The following GALNT17 variants were observed in gnomAD, a reference collection of about 807,000 sequenced individuals.
The protein encoded by GALNT17 is polypeptide N-acetylgalactosaminyltransferase 17, also known as UDP-GalNAc:polypeptide N-acetylgalactosaminyltransferase-like 3.
In GALNT17, 29 loss-of-function variants were observed where a neutral mutation model predicts 63.7. The ratio of observed to expected loss-of-function variants is 0.46; its 90% confidence interval spans 0.34 to 0.62. The LOEUF (loss-of-function observed/expected upper bound fraction) is 0.62. Ranked by LOEUF, GALNT17 falls within the 20% of genes least tolerant of loss-of-function variation. GALNT17 has a pLI of 0.01. For missense variants in GALNT17, 603 were observed against 799.6 expected, an observed-to-expected ratio of 0.75 and a Z score of 2.97; for synonymous variants, 305 against 318.3, an observed-to-expected ratio of 0.96 and a Z score of 0.45.
chr7:71,675,212 T>C (rs1039802503), intron 8 of GALNT17, among the ~76,000 whole-genome samples: 8 of 151,926 alleles, frequency 5.3e-5, no homozygotes. Flanking sequence ...GAAGCTCTCC[T>C]TGTTGGCCCT....
intron 6 of GALNT17, among the ~76,000 whole-genome samples, chr7:71,655,101 A>G (rs780402690): frequency 6.6e-6 from 1 of 152,048 alleles, no homozygotes; most frequent in Non-Finnish European, 1.5e-5. Context: ...CCTACAAAAT[A>G]TTCAAAAATT....
intron 6 of GALNT17, among the ~76,000 whole-genome samples, chr7:71,634,776 GA>G (rs1015327202): frequency 6.7e-5 from 10 of 149,532 alleles, no homozygotes; most frequent in African/African-American, 2.2e-4. Flanking sequence ...AAAGAAAAAA[GA>G]AAAAGAAAAA....
chr7:71,274,083 C>T (rs963983792), intron 1 of GALNT17, among the ~76,000 whole-genome samples: 2 of 152,138 alleles, frequency 1.3e-5, no homozygotes, highest in Admixed American at 6.5e-5. Context: ...GGCATATGTT[C>T]GGTGGTGGTG....
At chr7:71,611,413 C>G (rs940084308) in intron 6 of GALNT17, among the ~76,000 whole-genome samples, 1 of 152,190 alleles carries the variant, frequency 6.6e-6, no homozygotes, top group African/African-American at 2.4e-5. Flanking sequence ...GGGACTCTTC[C>G]TCTGCTTATA....
rs542598606 is a variant in GALNT17, at chr7:71,595,602, C to T, written c.1080+24200C>T. On this transcript the variant is annotated intron_variant, in intron 6 of 10. Transcript: ENST00000333538. ...CTTCCCAGCATGATGGCTTTGAAGACGCCATCCTTCATATGTGTTGGCTCA... is the reference window on the plus strand; with the variant it reads ...CTTCCCAGCATGATGGCTTTGAAGATGCCATCCTTCATATGTGTTGGCTCA... 1.3e-3 allele frequency among the ~76,000 whole-genome samples: 199 copies of T among 151,732 alleles called. 2 individuals carry two copies. Among genetic ancestry groups the T allele is most frequent in the African/African-American group, 4.6e-3 (191 of 41,368 alleles).
chr7:71,482,079 A>ATGTGTGTGTGTG lies in GALNT17; in HGVS notation c.962+60975_962+60976insGTGTGTGTGTGT, dbSNP rs371371505. ...TTGATGTATAGGTATACATATATGT[A>ATGTGTGTGTGTG]TATGTGTGTGTGTGTGTGTGTGTGT... On this transcript the variant is annotated intron_variant, in intron 5 of 10. Transcript: ENST00000333538. Among the ~76,000 whole-genome samples, 734 of 136,854 alleles carry ATGTGTGTGTGTG rather than the reference A, an allele frequency of 5.4e-3. 4 individuals are homozygous for ATGTGTGTGTGTG. The highest frequency in any genetic ancestry group is 0.019 in the East Asian group (64 of 3,430). The allele number at this position is 136,854 out of a possible 152,430, so 89.8% of individuals were successfully genotyped here.
intron 9 of GALNT17, among the ~76,000 whole-genome samples, chr7:71,706,602 C>G (rs597689): frequency 0.98 from 149,974 of 152,280 alleles, 73,883 homozygotes; most frequent in East Asian, 1. Flanking sequence ...TGTTTAGGGA[C>G]GGGGAGGGAG....
chr7:71,251,361 A>T lies in GALNT17; in HGVS notation c.239-84189A>T, dbSNP rs183526022. The stretch of plus-strand genomic sequence containing the variant: ...TCATTCAAAAGCATGATATATTCTT[A>T]AGGTAAGAATTAGTGTTACTGGCAG... On this transcript the variant is annotated intron_variant, in intron 1 of 10. Coordinates refer to ENST00000333538, the MANE Select transcript of GALNT17 (RefSeq NM_022479.3). 3.7e-4 allele frequency among the ~76,000 whole-genome samples: 56 copies of T among 152,312 alleles called. No homozygotes were observed. The East Asian group carries it at 0.01, about 27-fold the overall frequency.
At chr7:71,161,861 T>C (rs1487613671) in intron 1 of GALNT17, among the ~76,000 whole-genome samples, 3 of 152,262 alleles carry the variant, frequency 2.0e-5, no homozygotes, top group East Asian at 3.9e-4. Context: ...TTCAACGTTG[T>C]ATCTGTACCG....
chr7:71,531,693 G>A (rs758281056), intron 5 of GALNT17, among the ~76,000 whole-genome samples: 44 of 152,068 alleles, frequency 2.9e-4, no homozygotes, highest in Admixed American at 6.6e-4. Flanking sequence ...AGGCTCAAGC[G>A]ATCTTCCCAC....
intron 3 of GALNT17, among the ~76,000 whole-genome samples, chr7:71,406,512 T>A (rs1195627461): frequency 6.6e-6 from 1 of 152,140 alleles, no homozygotes; most frequent in African/African-American, 2.4e-5. Flanking sequence ...CTATCTCCAT[T>A]GGACAGATAA....
At chr7:71,198,548 A>C (rs984621125) in intron 1 of GALNT17, among the ~76,000 whole-genome samples, 4 of 152,238 alleles carry the variant, frequency 2.6e-5, no homozygotes, top group African/African-American at 9.6e-5. Flanking sequence ...AACCTGGACT[A>C]CCAGTAAGTG....
intron 1 of GALNT17, among the ~76,000 whole-genome samples, chr7:71,304,335 A>G (rs766859209): frequency 6.6e-6 from 1 of 152,230 alleles, no homozygotes; most frequent in South Asian, 2.1e-4. Flanking sequence ...TGGATTAAGT[A>G]TTCATCAGTG....
chr7:71,691,385 T>C (rs1447485397), intron 9 of GALNT17, among the ~76,000 whole-genome samples: 1 of 152,232 alleles, frequency 6.6e-6, no homozygotes, highest in East Asian at 1.9e-4. Flanking sequence ...AACATAACTT[T>C]TTATGCACTG....
chr7:71,270,550 A>C, intron 1 of GALNT17, among the ~76,000 whole-genome samples: 1 of 151,016 alleles, frequency 6.6e-6, no homozygotes, highest in African/African-American at 2.4e-5. Context: ...AAAAAAAAAA[A>C]AAAAAAAAAA....
chr7:71,137,014 C>A (rs1787795745), intron 1 of GALNT17, among the ~76,000 whole-genome samples: 1 of 148,370 alleles, frequency 6.7e-6, no homozygotes, highest in Non-Finnish European at 1.5e-5. Flanking sequence ...TTCAAGTGAT[C>A]CCCACCCCCA....
At chr7:71,691,929 T>C (rs902390004) in intron 9 of GALNT17, among the ~76,000 whole-genome samples, 4 of 152,094 alleles carry the variant, frequency 2.6e-5, no homozygotes, top group African/African-American at 7.2e-5. Flanking sequence ...TTTTTCTTTT[T>C]TTGAAAGAGT....
At chr7:71,148,111 G>A (rs1020692017) in intron 1 of GALNT17, among the ~76,000 whole-genome samples, 3 of 152,086 alleles carry the variant, frequency 2.0e-5, no homozygotes, top group Admixed American at 6.6e-5. Context: ...TAGTTTCCAA[G>A]AGAATGGGTT....
intron 1 of GALNT17, among the ~76,000 whole-genome samples, chr7:71,268,802 C>T (rs1261970169): frequency 6.6e-6 from 1 of 151,988 alleles, no homozygotes; most frequent in Non-Finnish European, 1.5e-5. Context: ...GGGGTTGTGC[C>T]TGTCTCCTGT....
Sources: allele counts gnomAD v4.1 joint callset (sites outside exome capture counted in the v4.1 genomes callset), GRCh38; gene constraint gnomAD v4.1.1; transcripts MANE v1.5; gene names NCBI Gene and HGNC (gene_info 2026-07-23, HGNC 2026-07-21).